THSD7B: variants seen among roughly 807,000 people sequenced by gnomAD.
THSD7B encodes thrombospondin type 1 domain containing 7B.
In THSD7B, 138 loss-of-function variants were observed where a neutral mutation model predicts 213.6. The observed-to-expected ratio is 0.65, with a 90% confidence interval of 0.56 to 0.74. The LOEUF is 0.74. Among genes scored for constraint, THSD7B ranks in the 30% least tolerant of loss-of-function variants. THSD7B has a pLI of 0.00. For missense variants in THSD7B, 1,931 were observed against 1,991.5 expected, an observed-to-expected ratio of 0.97 and a Z score of 0.58; for synonymous variants, 742 against 687.0, an observed-to-expected ratio of 1.08 and a Z score of -1.25.
At chr2:136,787,331 C>G (rs181746525) in intron 1 of THSD7B, among the ~76,000 whole-genome samples, 30 of 151,908 alleles carry the variant, frequency 2.0e-4, no homozygotes, top group Non-Finnish European at 2.9e-4. Flanking sequence ...TGAGCTCTGA[C>G]AATTTTTTCA....
At chr2:137,015,134 G>A (rs544644443) in intron 2 of THSD7B, among the ~76,000 whole-genome samples, 1 of 152,134 alleles carries the variant, frequency 6.6e-6, no homozygotes, top group South Asian at 2.1e-4. Context: ...ACTCCCAGGG[G>A]GCAACGGCTG....
chr2:137,307,497 T>A (rs1025539156), intron 12 of THSD7B, among the ~76,000 whole-genome samples: 5 of 152,200 alleles, frequency 3.3e-5, no homozygotes, highest in Admixed American at 1.3e-4. Flanking sequence ...AAAGGTGAAA[T>A]CCATTTACCT....
intron 7 of THSD7B, among the ~76,000 whole-genome samples, chr2:137,172,688 G>C (rs1479525553): frequency 1.3e-5 from 2 of 152,198 alleles, no homozygotes; most frequent in African/African-American, 4.8e-5. Flanking sequence ...ACCTGAGGAA[G>C]GAGTTGTGGG....
At chr2:137,605,543 A>G (rs1213407574) in intron 17 of THSD7B, among the ~76,000 whole-genome samples, 4 of 151,656 alleles carry the variant, frequency 2.6e-5, no homozygotes, top group African/African-American at 9.7e-5. Flanking sequence ...AGGAACATAC[A>G]GTCTACTGAG....
At chr2:136,994,126 G>A (rs948230515) in intron 2 of THSD7B, among the ~76,000 whole-genome samples, 1 of 152,124 alleles carries the variant, frequency 6.6e-6, no homozygotes, top group African/African-American at 2.4e-5. Context: ...TGTTGCAGGA[G>A]GGATTTGCTT....
intron 2 of THSD7B, among the ~76,000 whole-genome samples, chr2:137,014,182 T>C (rs994458813): frequency 6.6e-6 from 1 of 152,014 alleles, no homozygotes; most frequent in Non-Finnish European, 1.5e-5. Context: ...GTGAGAAAAG[T>C]GAAGTTCAAA....
intron 2 of THSD7B, among the ~76,000 whole-genome samples, chr2:137,015,624 A>C (rs1202295093): frequency 5.3e-5 from 8 of 152,186 alleles, no homozygotes; most frequent in Admixed American, 2.0e-4. Context: ...CATTCCGTAA[A>C]GGTAATTGCT....
At chr2:136,768,271 G>A (rs1421322434) in intron 1 of THSD7B, among the ~76,000 whole-genome samples, 5 of 152,204 alleles carry the variant, frequency 3.3e-5, no homozygotes, top group African/African-American at 1.2e-4. Flanking sequence ...GACCGAAAAA[G>A]CAGAATAAAA....
chr2:137,576,595 T>C (rs1427882931), intron 17 of THSD7B, among the ~76,000 whole-genome samples: 3 of 152,148 alleles, frequency 2.0e-5, no homozygotes, highest in East Asian at 3.9e-4. Flanking sequence ...AGTCTGAATA[T>C]TGTGTTTTTA....
At chr2:136,868,774 A>G (rs1217437676) in intron 1 of THSD7B, among the ~76,000 whole-genome samples, 1 of 152,098 alleles carries the variant, frequency 6.6e-6, no homozygotes, top group African/African-American at 2.4e-5. Flanking sequence ...GACAACATTC[A>G]CATATATGTG....
intron 15 of THSD7B, among the ~76,000 whole-genome samples, chr2:137,553,082 C>G (rs1183840812): frequency 6.6e-6 from 1 of 152,096 alleles, no homozygotes; most frequent in East Asian, 1.9e-4. Flanking sequence ...GACCATTTCC[C>G]CTAACATTCC....
chr2:136,835,312 T>C (rs943792392), intron 1 of THSD7B, among the ~76,000 whole-genome samples: 14 of 152,246 alleles, frequency 9.2e-5, no homozygotes, highest in Admixed American at 2.6e-4. Context: ...AGCTCTTTAA[T>C]TGAGTCCAGG....
rs193088351 is a variant in THSD7B, at chr2:137,544,687, A to C, written c.3139-18534A>C. ...TTTTATAATATTCATACTCTCTTTT[A>C]TTTTTATTTTTCATCAATACCTTGT... is the stretch of plus-strand genomic sequence containing the variant. On this transcript the variant is annotated intron_variant, in intron 15 of 27. Coordinates refer to ENST00000409968, the MANE Select transcript of THSD7B (RefSeq NM_001316349.2). Among the ~76,000 whole-genome samples the C allele has an allele frequency of 4.0e-4, 61 of 151,712 alleles. 1 individual carries two copies. In the East Asian group the frequency reaches 0.01, roughly 25 times the overall value.
intron 1 of THSD7B, among the ~76,000 whole-genome samples, chr2:136,863,842 G>A (rs1010434324): frequency 6.6e-6 from 1 of 152,068 alleles, no homozygotes; most frequent in Admixed American, 6.6e-5. Flanking sequence ...AATCATTTAC[G>A]TTTATTTTAC....
At chr2:136,777,837 A>G (rs1050802527) in intron 1 of THSD7B, among the ~76,000 whole-genome samples, 1 of 152,226 alleles carries the variant, frequency 6.6e-6, no homozygotes, top group Non-Finnish European at 1.5e-5. Context: ...AGTAGAAAAT[A>G]TCACAATGCT....
chr2:137,519,488 T>C (rs1303117717), intron 15 of THSD7B, among the ~76,000 whole-genome samples: 1 of 152,164 alleles, frequency 6.6e-6, no homozygotes, highest in African/African-American at 2.4e-5. Flanking sequence ...TAGCAGAACT[T>C]GGGCTCCCAC....
At chr2:137,346,151 C>A (rs12474855) in intron 12 of THSD7B, among the ~76,000 whole-genome samples, 138,268 of 151,566 alleles carry the variant, frequency 0.91, 63,743 homozygotes, top group Non-Finnish European at 0.99. Context: ...TTTACAGTGC[C>A]TAGTGTGAAC....
At chr2:136,771,102 T>C (rs1171469158) in intron 1 of THSD7B, among the ~76,000 whole-genome samples, 1 of 152,186 alleles carries the variant, frequency 6.6e-6, no homozygotes, top group Non-Finnish European at 1.5e-5. Flanking sequence ...GGCTTCTTTC[T>C]TTTGGGGAAA....
chr2:137,452,116 T>C lies in THSD7B; in HGVS notation c.3138+1093T>C, dbSNP rs577418536. 3.0e-4 allele frequency: 211 copies of C among 709,740 alleles called. 1 individual carries two copies. The African/African-American group carries it at 3.7e-3, about 12-fold the overall frequency. The allele number at this position is 709,740 out of a possible 1,614,324, so 44.0% of individuals were successfully genotyped here. A position where few individuals can be genotyped will look rare whatever the true frequency, so the allele number is the denominator to read the frequency against. ...TTTCTAAGTTTTTATAAAAGACATA[T>C]AACTCACTGAAATTAAAAAAAAATT... On this transcript the variant is annotated intron_variant, in intron 15 of 27. Coordinates refer to ENST00000409968, the MANE Select transcript of THSD7B (RefSeq NM_001316349.2).
Sources: allele counts gnomAD v4.1 joint callset (sites outside exome capture counted in the v4.1 genomes callset), GRCh38; gene constraint gnomAD v4.1.1; transcripts MANE v1.5; gene names NCBI Gene and HGNC (gene_info 2026-07-23, HGNC 2026-07-21).